GAS7: variants seen among roughly 807,000 people sequenced by gnomAD.
GAS7 encodes the protein growth arrest specific 7.
GAS7 carries 28 observed loss-of-function variants against 71.1 expected under a neutral mutation model. The ratio of observed to expected loss-of-function variants is 0.39; its 90% CI spans 0.29 to 0.54. The LOEUF is 0.54. GAS7 is among the 20% of genes least tolerant of loss of function. The pLI, the probability that GAS7 is intolerant of heterozygous loss-of-function variation, is 0.62. For missense variants in GAS7, 436 were observed against 627.8 expected, an observed-to-expected ratio of 0.69 and a Z score of 3.27; for synonymous variants, 258 against 245.8, an observed-to-expected ratio of 1.05 and a Z score of -0.46.
At chr17:9,942,494 T>A (rs564931035) in intron 7 of GAS7, among the ~76,000 whole-genome samples, 1 of 150,002 alleles carries the variant, frequency 6.7e-6, no homozygotes. Flanking sequence ...TCCATTGGGC[T>A]GAATTTATTG....
At chr17:10,005,395 G>T (rs971624332) in intron 2 of GAS7, among the ~76,000 whole-genome samples, 1 of 150,742 alleles carries the variant, frequency 6.6e-6, no homozygotes, top group African/African-American at 2.5e-5. Flanking sequence ...ACCCTCACCC[G>T]CAATACTTGA....
intron 1 of GAS7, among the ~76,000 whole-genome samples, chr17:10,113,339 G>T (rs1461227614): frequency 2.6e-5 from 4 of 152,076 alleles, no homozygotes; most frequent in Non-Finnish European, 5.9e-5. Context: ...TCAGAAACTT[G>T]CCCTTCAGAG....
At chr17:9,972,257 A>G (rs6503276) in intron 3 of GAS7, among the ~76,000 whole-genome samples, 100,928 of 152,124 alleles carry the variant, frequency 0.66, 34,294 homozygotes, top group African/African-American at 0.82. Flanking sequence ...CTTAAGAGGC[A>G]AGGACAGGAT....
chr17:10,193,272 A>AAC (rs2074516140), intron 1 of GAS7, among the ~76,000 whole-genome samples: 2 of 151,532 alleles, frequency 1.3e-5, no homozygotes, highest in African/African-American at 4.9e-5. Flanking sequence ...AAAAAAAAAA[A>AAC]AAAAAACCCT....
chr17:10,043,632 G>A (rs2072904520), intron 1 of GAS7, among the ~76,000 whole-genome samples: 1 of 152,080 alleles, frequency 6.6e-6, no homozygotes, highest in South Asian at 2.1e-4. Context: ...AAATCATAAG[G>A]GGCCGGGCAC....
At chr17:10,179,919 T>C (rs1004384645) in intron 1 of GAS7, among the ~76,000 whole-genome samples, 1 of 152,154 alleles carries the variant, frequency 6.6e-6, no homozygotes, top group Non-Finnish European at 1.5e-5. Flanking sequence ...ATACGTAATA[T>C]GGCAGTGACC....
chr17:10,169,713 C>T (rs375204678), intron 1 of GAS7, among the ~76,000 whole-genome samples: 3 of 152,152 alleles, frequency 2.0e-5, no homozygotes, highest in Non-Finnish European at 4.4e-5. Context: ...CCCCAGACCT[C>T]TTCTCCATCC....
chr17:10,151,009 C>T (rs556078250), intron 1 of GAS7, among the ~76,000 whole-genome samples: 42 of 152,268 alleles, frequency 2.8e-4, no homozygotes, highest in Non-Finnish European at 2.4e-4. Context: ...TAGAACCTAA[C>T]GCATGAAGTT....
At chr17:9,990,875 T>C (rs778843389) in intron 2 of GAS7, among the ~76,000 whole-genome samples, 17 of 152,152 alleles carry the variant, frequency 1.1e-4, no homozygotes, top group Non-Finnish European at 2.2e-4. Flanking sequence ...TGAGAATCCG[T>C]TATTAAGAGC....
At chr17:10,164,147 G>A (rs2074275608) in intron 1 of GAS7, among the ~76,000 whole-genome samples, 1 of 152,106 alleles carries the variant, frequency 6.6e-6, no homozygotes, top group Non-Finnish European at 1.5e-5. Context: ...GCCAGGATTA[G>A]GAATATGGCC....
At chr17:10,027,851 C>A (rs752739006) in intron 1 of GAS7, among the ~76,000 whole-genome samples, 2 of 152,162 alleles carry the variant, frequency 1.3e-5, no homozygotes, top group African/African-American at 2.4e-5. Context: ...GAGACCCCAC[C>A]GCCCCTCCAT....
intron 2 of GAS7, among the ~76,000 whole-genome samples, chr17:10,005,843 C>A (rs567386614): frequency 6.6e-6 from 1 of 152,198 alleles, no homozygotes; most frequent in African/African-American, 2.4e-5. Flanking sequence ...ATTATAATGC[C>A]ATTTCCCTAG....
intron 1 of GAS7, among the ~76,000 whole-genome samples, chr17:10,094,222 G>A (rs1031605454): frequency 3.3e-5 from 5 of 152,210 alleles, no homozygotes; most frequent in African/African-American, 1.2e-4. Flanking sequence ...TAGCTGAGCA[G>A]CTGTGCCCTG....
At chr17:10,012,357 G>A (rs376683619) in intron 2 of GAS7, among the ~76,000 whole-genome samples, 4 of 152,100 alleles carry the variant, frequency 2.6e-5, no homozygotes, top group Admixed American at 6.5e-5. Context: ...GTGTGATTTC[G>A]GTTCATTGCA....
chr17:10,124,610 C>T lies in GAS7; in HGVS notation c.183+73598G>A, dbSNP rs115793670. Among the ~76,000 whole-genome samples, 889 of 152,282 alleles carry T rather than the reference C, an allele frequency of 5.8e-3. 5 individuals are homozygous for T. The highest frequency in any genetic ancestry group is 0.021 in the African/African-American group (863 of 41,552). ...ACTGGATATTCTCAAGGACTTGGTA[C>T]AACCTTTCTAAAGAGCAGTGTGGGG... On this transcript the variant is annotated intron_variant, in intron 1 of 13. Coordinates refer to ENST00000432992, the MANE Select transcript of GAS7 (RefSeq NM_201433.2).
rs2067601791 is a variant in GAS7, at chr17:9,916,962, T to C, written c.*266A>G. 1.9e-6 allele frequency: 1 copy of C among 532,470 alleles called. No homozygotes were observed. The highest frequency in any genetic ancestry group is 3.3e-6 in the Non-Finnish European group (1 of 298,924). The allele number at this position is 532,470 out of a possible 1,614,324, so 33.0% of individuals were successfully genotyped here. On this transcript the variant is annotated 3_prime_UTR_variant, in exon 14 of 14. Coordinates refer to ENST00000432992, the MANE Select transcript of GAS7 (RefSeq NM_201433.2). ...GGACCACAAAGTTCCAGCCTCTGTT[T>C]GTTTCAGAGCGGCAAGCACAGCATG...
intron 2 of GAS7, among the ~76,000 whole-genome samples, chr17:10,003,092 ACAACT>A (rs1387434231): frequency 6.6e-6 from 1 of 152,222 alleles, no homozygotes; most frequent in Admixed American, 6.5e-5. Context: ...TTTGTGGGAC[ACAACT>A]CAACCCGTAA....
intron 10 of GAS7, 54 bp from the exon 11 acceptor site, chr17:9,925,653 T>A: frequency 1.9e-6 from 3 of 1,604,240 alleles, no homozygotes; most frequent in Non-Finnish European, 2.6e-6. Context: ...CCAGTGGGCC[T>A]CCTGGGCCAC....
At chr17:10,133,122 A>ATATATATATATATATT (rs1392845338) in intron 1 of GAS7, among the ~76,000 whole-genome samples, 20 of 118,914 alleles carry the variant, frequency 1.7e-4, no homozygotes, top group African/African-American at 5.4e-4. Context: ...ATATTTTTAT[A>ATATATATATATATATT]TTTTTTTTTT....
Sources: allele counts gnomAD v4.1 joint callset (sites outside exome capture counted in the v4.1 genomes callset), GRCh38; gene constraint gnomAD v4.1.1; transcripts MANE v1.5; gene names NCBI Gene and HGNC (gene_info 2026-07-23, HGNC 2026-07-21).